Variants in FBRSL1 observed in about 807,000 individuals in gnomAD.
FBRSL1 encodes the protein fibrosin-1-like protein.
In FBRSL1, 51 loss-of-function variants were observed where a neutral mutation model predicts 89.6. That is an observed-to-expected ratio of 0.57 (90% CI 0.45 to 0.72). The LOEUF is 0.72. Among genes scored for constraint, FBRSL1 ranks in the 30% least tolerant of loss-of-function variants. The pLI is 0.00. For missense variants in FBRSL1, 1,618 were observed against 1,451.8 expected (o/e 1.11, Z -1.86); for synonymous variants, 779 against 681.1 (o/e 1.14, Z -2.24).
chr12:132,570,270 T>C, intron 7 of FBRSL1, 29 bp downstream of exon 7: 7 of 1,503,282 alleles, frequency 4.7e-6, no homozygotes, highest in Non-Finnish European at 6.2e-6. Flanking sequence ...ACGGGGCCTG[T>C]GTGGTCTCAG....
At chr12:132,550,989 C>T (rs2038112104) in intron 5 of FBRSL1, 1 of 244,986 alleles carries the variant, frequency 4.1e-6, no homozygotes, top group Admixed American at 4.7e-5. Flanking sequence ...GGAAGTCAGC[C>T]AGCACCCCAC....
At position 132,546,989 on chromosome 12, in the gene FBRSL1, A is replaced by G. The variant is rs1002056551; in HGVS notation, c.616-1014A>G. Reference sequence around the variant, plus strand: ...CCGCCCACACATCCGGCTGGCACTCACCACCCTCCGTGCACTGGGGGGTTT... The same window carrying G: ...CCGCCCACACATCCGGCTGGCACTCGCCACCCTCCGTGCACTGGGGGGTTT... On this transcript the variant is annotated intron_variant, in intron 4 of 18. Transcript: ENST00000680143. This position sits in a 1 kb window ranked among gnomAD's most constrained non-coding sequence, Gnocchi z 4.0. Among the ~76,000 whole-genome samples, 4 of 152,306 alleles carry G rather than the reference A, an allele frequency of 2.6e-5. No individual in the cohort carries two copies. The highest frequency in any genetic ancestry group is 7.2e-5 in the African/African-American group (3 of 41,562).
In FBRSL1 at chr12:132,528,014, A is replaced by G. The variant is rs1469761181; in HGVS notation, c.615+26A>G. On this transcript the variant is annotated intron_variant, in intron 4 of 18. Coordinates refer to ENST00000680143, the MANE Select transcript of FBRSL1 (RefSeq NM_001367871.1). ...GTAAGTCTCCCAGCACCCCTCCTCC[A>G]TCTTTGTCCCCCTGGGGCCTTAGGA... The G allele has an allele frequency of 3.2e-6, 5 of 1,549,856 alleles. No homozygotes were observed. In the Admixed American group the frequency reaches 9.8e-5, roughly 30 times the overall value.
intron 5 of FBRSL1, among the ~76,000 whole-genome samples, chr12:132,560,710 C>T (rs1438026328): frequency 6.6e-6 from 1 of 152,182 alleles, no homozygotes; most frequent in Non-Finnish European, 1.5e-5. Context: ...GTGCACCTCG[C>T]GGGGGCTGAG....
intron 5 of FBRSL1, among the ~76,000 whole-genome samples, chr12:132,562,692 C>G (rs1418013407): frequency 6.6e-6 from 1 of 152,136 alleles, no homozygotes; most frequent in African/African-American, 2.4e-5. Context: ...AACCGCTGCT[C>G]CTTTCCGAGG....
At position 132,496,134 on chromosome 12, in the gene FBRSL1, C is replaced by T. The variant is rs563090506; in HGVS notation, c.291+5273C>T. Reference sequence around the variant, plus strand: ...CACCTTCGCGTTTGGGGCCTGGTGCCGGCTGCCCTTTGCCTGGAGGGGTCT... The same window carrying T: ...CACCTTCGCGTTTGGGGCCTGGTGCTGGCTGCCCTTTGCCTGGAGGGGTCT... On this transcript the variant is annotated intron_variant, in intron 1 of 18. Coordinates refer to ENST00000680143, the MANE Select transcript of FBRSL1 (RefSeq NM_001367871.1). Among the ~76,000 whole-genome samples the T allele has an allele frequency of 4.6e-5, 7 of 152,360 alleles. No individual in the cohort carries two copies. In the East Asian group the frequency reaches 7.7e-4, roughly 17 times the overall value.
rs1164018507 is a variant in FBRSL1, at chr12:132,583,087, C to T, written c.2318C>T (p.Pro773Leu). 2.5e-5 allele frequency: 36 copies of T among 1,448,108 alleles called. No individual in the cohort carries two copies. Among genetic ancestry groups the T allele is most frequent in the African/African-American group, 1.5e-4 (10 of 67,092 alleles). The allele number at this position is 1,448,108 out of a possible 1,614,324, so 89.7% of individuals were successfully genotyped here. Residue 773 changes from proline (P) to leucine (L), a missense_variant, in exon 19 of 19, where the codon CCC becomes CTC. Coordinates refer to ENST00000680143, the MANE Select transcript of FBRSL1 (RefSeq NM_001367871.1). Reference protein sequence around the residue: ...AQSELGRSGAPAEREAEPRVK... With the variant: ...AQSELGRSGALAEREAEPRVK... ...AGCGAGCTGGGCCGGTCCGGGGCCC[C>T]CGCGGAGCGCGAGGCCGAACCTCGG...
intron 1 of FBRSL1, among the ~76,000 whole-genome samples, chr12:132,502,599 C>T (rs747907775): frequency 3.9e-5 from 6 of 152,098 alleles, no homozygotes; most frequent in Admixed American, 6.5e-5. Context: ...CCCTATCAGA[C>T]GGTTCTCCAG....
At chr12:132,505,871 G>A (rs1287985939) in intron 1 of FBRSL1, among the ~76,000 whole-genome samples, 1 of 152,258 alleles carries the variant, frequency 6.6e-6, no homozygotes, top group Non-Finnish European at 1.5e-5. Flanking sequence ...AAGGTAGCAG[G>A]CGAAGCGCTG....
At chr12:132,492,471 G>GT (rs2031203949) in intron 1 of FBRSL1, among the ~76,000 whole-genome samples, 1 of 152,208 alleles carries the variant, frequency 6.6e-6, no homozygotes, top group South Asian at 2.1e-4. Context: ...GCTGTCCTGT[G>GT]TGTCTCCTAT....
intron 5 of FBRSL1, chr12:132,551,681 A>T: frequency 2.4e-6 from 1 of 423,018 alleles, no homozygotes; most frequent in Non-Finnish European, 4.9e-6. Flanking sequence ...ACTGACCGAG[A>T]CACCTCTCCA....
At position 132,546,966 on chromosome 12, in the gene FBRSL1, G is replaced by A. The variant is rs143286186; in HGVS notation, c.616-1037G>A. Among the ~76,000 whole-genome samples, 706 of 152,354 alleles carry A rather than the reference G, an allele frequency of 4.6e-3. 1 individual carries two copies. Among genetic ancestry groups the A allele is most frequent in the Non-Finnish European group, 5.7e-3 (385 of 68,032 alleles). On this transcript the variant is annotated intron_variant, in intron 4 of 18. Coordinates refer to ENST00000680143, the MANE Select transcript of FBRSL1 (RefSeq NM_001367871.1). This position sits in a 1 kb window ranked among gnomAD's most constrained non-coding sequence, Gnocchi z 4.0. ...AGTGGGCTCCACATAGGAGGGCGCC[G>A]CCCACACATCCGGCTGGCACTCACC...
intron 14 of FBRSL1, 86 bp downstream of exon 14, chr12:132,574,650 T>TAACA (rs937408669): frequency 4.8e-6 from 7 of 1,468,406 alleles, no homozygotes; most frequent in Non-Finnish European, 5.5e-6. Context: ...AGGCTGTGTG[T>TAACA]GTTCACACGC....
chr12:132,583,432 G>A lies in FBRSL1; in HGVS notation c.2663G>A (p.Arg888His), dbSNP rs973723557. ...LEPPERPYRDREPHGYSPERL... is the reference protein window; with the variant it reads ...LEPPERPYRDHEPHGYSPERL... The stretch of plus-strand genomic sequence containing the variant: ...CCCCCGGAGCGCCCCTACCGCGACC[G>A]CGAGCCCCACGGCTACAGCCCCGAG... Residue 888 changes from arginine to histidine, a missense_variant, in exon 19 of 19, where the codon CGC becomes CAC. By Grantham distance (29) the Arg-to-His change is conservative. Transcript: ENST00000680143. The A allele has an allele frequency of 2.8e-6, 3 of 1,071,824 alleles. No homozygotes were observed. The highest frequency in any genetic ancestry group is 1.8e-5 in the African/African-American group (1 of 57,132). 66.4% of individuals were successfully genotyped at this position (1,071,824 alleles called of 1,614,324 possible).
At chr12:132,571,307 A>G (rs2039993378) in intron 9 of FBRSL1, 76 bp downstream of exon 9, 2 of 1,533,440 alleles carry the variant, frequency 1.3e-6, no homozygotes, top group African/African-American at 1.4e-5. Context: ...TCTCTTGTAG[A>G]TCACGAGCTG....
At chr12:132,559,372 C>T (rs535837525) in intron 5 of FBRSL1, among the ~76,000 whole-genome samples, 196 of 152,320 alleles carry the variant, frequency 1.3e-3, no homozygotes, top group African/African-American at 4.4e-3. Context: ...TCCCAACTCT[C>T]CACAGTGGCA....
At chr12:132,531,168 C>T (rs989497032) in intron 4 of FBRSL1, among the ~76,000 whole-genome samples, 7 of 151,950 alleles carry the variant, frequency 4.6e-5, no homozygotes, top group Admixed American at 6.5e-5. Context: ...TCCCATGGGA[C>T]GCATGCCCAG....
Position 132,574,335 on chromosome 12 carries a change from G to C in FBRSL1, c.1616G>C (p.Arg539Pro). ...QKAPGVSDPYRAVVKKPGRWC... is the reference protein window; with the variant it reads ...QKAPGVSDPYPAVVKKPGRWC... ...TCTCCACAGGTGTCTGACCCGTACC[G>C]GGCGGTGGTCAAGGTGAGCACGTGT... The change falls in exon 13 of 19, where the codon CGG becomes CCG. Residue 539 changes from arginine (R) to proline (P), a missense_variant. Coordinates refer to ENST00000680143, the MANE Select transcript of FBRSL1 (RefSeq NM_001367871.1). 1 of 1,549,074 alleles carries C rather than the reference G, an allele frequency of 6.5e-7. No individual in the cohort carries two copies. The highest frequency in any genetic ancestry group is 8.7e-7 in the Non-Finnish European group (1 of 1,146,272).
rs2030630915 is a variant in FBRSL1, at chr12:132,490,349, C to T, written c.-222C>T. The stretch of plus-strand genomic sequence containing the variant: ...GCCGGGCCCGCCCCCGCCGATGCGC[C>T]CAGCCGCCCGCGCCGGGGGTCCCAG... On this transcript the variant is annotated 5_prime_UTR_variant, in exon 1 of 19. Transcript: ENST00000680143. 1 of 153,392 alleles carries T rather than the reference C, an allele frequency of 6.5e-6. No individual in the cohort carries two copies. The highest frequency in any genetic ancestry group is 2.1e-4 in the South Asian group (1 of 4,804). The allele number at this position is 153,392 out of a possible 1,614,324, so 9.5% of individuals were successfully genotyped here.
Sources: gnomAD v4.1 joint callset for allele counts (sites outside exome capture counted in the v4.1 genomes callset) on GRCh38, gnomAD v4.1.1 for gene constraint, Gnocchi (gnomAD v3.1) non-coding constraint, MANE v1.5 for transcripts, NCBI Gene and HGNC (gene_info 2026-07-23, HGNC 2026-07-21) for gene names.